BLTP3A: variants seen among roughly 807,000 people sequenced by gnomAD.
BLTP3A encodes ICBP90 binding protein 1.
the BLTP3A span, among the ~76,000 whole-genome samples, chr6:34,817,946 C>T: frequency 6.6e-6 from 1 of 151,982 alleles, no homozygotes; most frequent in African/African-American, 2.4e-5. Context: ...CTCCGCCTCC[C>T]GGGTTCACGC....
chr6:34,822,446 C>T, the BLTP3A span, among the ~76,000 whole-genome samples: 1 of 152,040 alleles, frequency 6.6e-6, no homozygotes, highest in Admixed American at 6.5e-5. Flanking sequence ...GCCACGTTGG[C>T]TAGGCTGGTC....
the BLTP3A span, chr6:34,836,266 T>G: frequency 6.2e-7 from 1 of 1,614,160 alleles, no homozygotes; most frequent in Non-Finnish European, 8.5e-7. Flanking sequence ...TTGAGAAATT[T>G]GATGTGAAAG....
chr6:34,850,547 T>A, the BLTP3A span, among the ~76,000 whole-genome samples: 1 of 152,186 alleles, frequency 6.6e-6, no homozygotes, highest in Non-Finnish European at 1.5e-5. Context: ...CATTCTTTTT[T>A]ATTCTTTTTT....
chr6:34,850,471 CCTT>C, the BLTP3A span, among the ~76,000 whole-genome samples: 2 of 152,194 alleles, frequency 1.3e-5, no homozygotes, highest in Non-Finnish European at 2.9e-5. Context: ...TCTACCTCCT[CCTT>C]AAGGCCAATA....
At chr6:34,817,892 C>G in the BLTP3A span, among the ~76,000 whole-genome samples, 1 of 149,040 alleles carries the variant, frequency 6.7e-6, no homozygotes, top group Non-Finnish European at 1.5e-5. Context: ...CTCGCTCTGT[C>G]GCCCAGGCTG....
At chr6:34,869,698 C>T in the BLTP3A span, among the ~76,000 whole-genome samples, 7 of 138,478 alleles carry the variant, frequency 5.1e-5, no homozygotes, top group South Asian at 6.8e-4. Context: ...TTGCCCAGGC[C>T]GGAGTGCAGT....
At chr6:34,805,280 C>G in the BLTP3A span, among the ~76,000 whole-genome samples, 1 of 147,282 alleles carries the variant, frequency 6.8e-6, no homozygotes, top group Admixed American at 6.8e-5. Context: ...GATCATGACT[C>G]AAAAAAAAAA....
At chr6:34,834,388 T>C in the BLTP3A span, 1 of 1,613,336 alleles carries the variant, frequency 6.2e-7, no homozygotes, top group Non-Finnish European at 8.5e-7. Flanking sequence ...CCCGCATCAC[T>C]GACCCCTGCC....
At chr6:34,793,938 A>AG in the BLTP3A span, among the ~76,000 whole-genome samples, 1 of 150,304 alleles carries the variant, frequency 6.7e-6, no homozygotes, top group Non-Finnish European at 1.5e-5. Flanking sequence ...AAAAAAAAAA[A>AG]GAATGAATAA....
the BLTP3A span, among the ~76,000 whole-genome samples, chr6:34,795,679 G>C: frequency 6.6e-6 from 1 of 152,064 alleles, no homozygotes; most frequent in African/African-American, 2.4e-5. Context: ...GGGATTACAG[G>C]CGTGAGCCAC....
the BLTP3A span, among the ~76,000 whole-genome samples, chr6:34,816,284 G>A: frequency 6.6e-6 from 1 of 152,130 alleles, no homozygotes; most frequent in Non-Finnish European, 1.5e-5. Flanking sequence ...GAAGTCATCA[G>A]TTTGAAAACG....
chr6:34,865,794 C>T, the BLTP3A span, among the ~76,000 whole-genome samples: 1 of 152,158 alleles, frequency 6.6e-6, no homozygotes, highest in African/African-American at 2.4e-5. Context: ...AGCTGGGTGG[C>T]ATGTACCATG....
At chr6:34,831,414 C>T in the BLTP3A span, among the ~76,000 whole-genome samples, 1 of 152,362 alleles carries the variant, frequency 6.6e-6, no homozygotes, top group South Asian at 2.1e-4. Context: ...AGGCATGAAC[C>T]ACTGCGCCTG....
chr6:34,816,511 TG>T, the BLTP3A span, among the ~76,000 whole-genome samples: 1 of 117,950 alleles, frequency 8.5e-6, no homozygotes, highest in African/African-American at 4.5e-5. Context: ...CTCTGGAGGC[TG>T]AGATTGGGAG....
At chr6:34,842,106 A>T in the BLTP3A span, among the ~76,000 whole-genome samples, 1 of 152,210 alleles carries the variant, frequency 6.6e-6, no homozygotes, top group Admixed American at 6.5e-5. Flanking sequence ...ACCCTACTAT[A>T]ATAAGCTCAT....
At chr6:34,855,556 AGGT>A in the BLTP3A span, 1 of 1,586,728 alleles carries the variant, frequency 6.3e-7, no homozygotes, top group Non-Finnish European at 8.6e-7. Context: ...TGCATGCTTT[AGGT>A]GGTGGTTTGG....
chr6:34,840,941 T>C, the BLTP3A span, among the ~76,000 whole-genome samples: 8 of 151,926 alleles, frequency 5.3e-5, no homozygotes, highest in African/African-American at 1.9e-4. Flanking sequence ...TGCTTTCATA[T>C]AGCTATTAGA....
chr6:34,870,978 A>AC, the BLTP3A span: 1 of 1,614,086 alleles, frequency 6.2e-7, no homozygotes, highest in Admixed American at 1.7e-5. Context: ...ATGGCTTCCT[A>AC]CATTTATTGC....
At chr6:34,834,821 T>C in the BLTP3A span, 1 of 1,614,192 alleles carries the variant, frequency 6.2e-7, no homozygotes, top group Non-Finnish European at 8.5e-7. Flanking sequence ...TTGAGGCTTA[T>C]TACGAACCAA....
Sources: gnomAD v4.1 joint callset for allele counts (sites outside exome capture counted in the v4.1 genomes callset) on GRCh38, gnomAD v4.1.1 for gene constraint, MANE v1.5 for transcripts, NCBI Gene and HGNC (gene_info 2026-07-23, HGNC 2026-07-21) for gene names.